Variants in ZNF423 observed in about 807,000 individuals in gnomAD.
ZNF423 encodes the protein zinc finger protein 423, also known as Ebf-associated zinc finger protein.
In ZNF423, 12 loss-of-function variants were observed where a neutral mutation model predicts 95.8. The observed-to-expected ratio is 0.13, with a 90% CI of 0.08 to 0.20. The LOEUF is 0.20. Ranked by LOEUF, ZNF423 falls within the 10% of genes least tolerant of loss-of-function variation. The probability of loss-of-function intolerance (pLI) is 1.00; values close to 1 mark genes in which losing one functional copy is unlikely to be tolerated. For synonymous variants in ZNF423, 749 were observed against 711.9 expected (o/e 1.05, Z -0.83); for missense variants, 1,316 against 1,737.1 (o/e 0.76, Z 4.31).
chr16:49,691,425 C>G (rs1186465806), intron 3 of ZNF423, among the ~76,000 whole-genome samples: 1 of 152,184 alleles, frequency 6.6e-6, no homozygotes, highest in East Asian at 1.9e-4. Context: ...CCTCGGTTTC[C>G]TCATAGGTTA....
At chr16:49,502,375 G>C (rs1485600843) in intron 7 of ZNF423, among the ~76,000 whole-genome samples, 1 of 152,184 alleles carries the variant, frequency 6.6e-6, no homozygotes, top group African/African-American at 2.4e-5. Flanking sequence ...GCTGCCTCAT[G>C]GGCATTCCCA....
intron 1 of ZNF423, among the ~76,000 whole-genome samples, chr16:49,824,733 C>A (rs1456154661): frequency 6.6e-6 from 1 of 152,208 alleles, no homozygotes; most frequent in East Asian, 1.9e-4. Context: ...CTGGGTCTCA[C>A]TCCAGAAGGA....
rs1445194160 is a variant in ZNF423, at chr16:49,815,914, A to ATATTT, written c.41-26369_41-26368insAAATA. Among the ~76,000 whole-genome samples, 18 of 29,796 alleles carry ATATTT rather than the reference A, an allele frequency of 6.0e-4. 1 individual carries two copies. Among genetic ancestry groups the ATATTT allele is most frequent in the Non-Finnish European group, 9.1e-4 (16 of 17,552 alleles). 19.5% of individuals were successfully genotyped at this position (29,796 alleles called of 152,430 possible). On this transcript the variant is annotated intron_variant, in intron 1 of 7. Transcript: ENST00000563137. The stretch of plus-strand genomic sequence containing the variant: ...TATATATATATATATATATATATAT[A>ATATTT]TTTTTTTTTTTTTTTTTTTTTTGAG...
chr16:49,857,462 C>A (rs190948160), upstream of ZNF423, among the ~76,000 whole-genome samples: 10 of 152,260 alleles, frequency 6.6e-5, no homozygotes, highest in African/African-American at 2.4e-4. The surrounding 1 kb of genome is among the most constrained non-coding windows in gnomAD (Gnocchi z 6.2). Context: ...ATGAGCCTCA[C>A]AAACTGTAAA....
At chr16:49,747,660 A>G (rs1202950539) in intron 2 of ZNF423, among the ~76,000 whole-genome samples, 3 of 152,016 alleles carry the variant, frequency 2.0e-5, no homozygotes. Flanking sequence ...TTCATTTAAA[A>G]AAAAAAAAAA....
At chr16:49,693,622 T>C (rs141205142) in intron 3 of ZNF423, among the ~76,000 whole-genome samples, 46 of 152,298 alleles carry the variant, frequency 3.0e-4, no homozygotes, top group Admixed American at 5.9e-4. Flanking sequence ...GCCACAGTGA[T>C]TGGCTTAAGG....
chr16:49,667,640 G>C (rs575067220), intron 3 of ZNF423, among the ~76,000 whole-genome samples: 1 of 152,370 alleles, frequency 6.6e-6, no homozygotes, highest in African/African-American at 2.4e-5. Flanking sequence ...CCAGCACTTT[G>C]GGAAGCTGAG....
intron 2 of ZNF423, among the ~76,000 whole-genome samples, chr16:49,771,112 A>T (rs1596991072): frequency 6.7e-6 from 1 of 148,422 alleles, no homozygotes; most frequent in South Asian, 2.2e-4. Context: ...TAAGCATAAC[A>T]CCACCGATGG....
chr16:49,551,575 T>C (rs185673794), intron 5 of ZNF423, among the ~76,000 whole-genome samples: 1 of 152,256 alleles, frequency 6.6e-6, no homozygotes, highest in Admixed American at 6.5e-5. Context: ...CTTGGCAGCA[T>C]GGGGGCAAAG....
chr16:49,498,707 C>T (rs1967262647), intron 7 of ZNF423, among the ~76,000 whole-genome samples: 1 of 152,164 alleles, frequency 6.6e-6, no homozygotes, highest in South Asian at 2.1e-4. Flanking sequence ...ACTTCTTTCC[C>T]TTTGGGAAGG....
intron 5 of ZNF423, among the ~76,000 whole-genome samples, chr16:49,606,584 G>C (rs1304753080): frequency 1.3e-5 from 2 of 152,166 alleles, no homozygotes; most frequent in African/African-American, 4.8e-5. Flanking sequence ...GTCCCAGAGG[G>C]AGAACCTGTG....
At position 49,855,522 on chromosome 16, in the gene ZNF423, C is replaced by CGCT. The variant is rs891224335; in HGVS notation, c.40+212_40+213insAGC. Among the ~76,000 whole-genome samples, 1 of 150,640 alleles carries CGCT rather than the reference C, an allele frequency of 6.6e-6. No homozygotes were observed. The highest frequency in any genetic ancestry group is 2.4e-5 in the African/African-American group (1 of 40,994). ...CGCGGCGTACCCCCTCCGCCGCCGC[C>CGCT]GCCGCCGCCGCCGCCTCCGCCTCCT... On this transcript the variant is annotated intron_variant, in intron 1 of 7. Coordinates refer to ENST00000563137, the MANE Select transcript of ZNF423 (RefSeq NM_001379286.1). The surrounding 1 kb of genome is among the most constrained non-coding windows in gnomAD (Gnocchi z 4.7).
At chr16:49,499,627 C>T (rs1000052324) in intron 7 of ZNF423, among the ~76,000 whole-genome samples, 2 of 152,268 alleles carry the variant, frequency 1.3e-5, no homozygotes, top group East Asian at 1.9e-4. Flanking sequence ...GGAGCCGAGG[C>T]GGGGAGGAGG....
intron 6 of ZNF423, among the ~76,000 whole-genome samples, chr16:49,524,641 T>C (rs1323185440): frequency 3.9e-5 from 6 of 152,014 alleles, no homozygotes; most frequent in Admixed American, 1.3e-4. Flanking sequence ...ACCCAGGAGG[T>C]GGCCCAGAGC....
At chr16:49,853,880 G>T in intron 1 of ZNF423, 1 of 985,324 alleles carries the variant, frequency 1.0e-6, no homozygotes, top group Non-Finnish European at 1.2e-6. Context: ...TGGAAGTCTA[G>T]GTAAGCAAGC....
intron 7 of ZNF423, among the ~76,000 whole-genome samples, chr16:49,507,303 ATT>A (rs10709812): frequency 6.0e-5 from 9 of 150,456 alleles, no homozygotes; most frequent in African/African-American, 1.5e-4. Flanking sequence ...ATGATCCCAC[ATT>A]TTTTTTTTGG....
chr16:49,600,875 G>A (rs957543006), intron 5 of ZNF423, among the ~76,000 whole-genome samples: 3 of 152,160 alleles, frequency 2.0e-5, no homozygotes, highest in African/African-American at 4.8e-5. Flanking sequence ...CGGCCCGGCC[G>A]GCGGCCTCCA....
rs1249633056 is a variant in ZNF423, at chr16:49,739,416, C to T, written c.101-8445G>A. ...ATGGCACAGGCCCTCTTGCAAGGCA[C>T]GAAAATGTCCATGCATACCAAAAGA... On this transcript the variant is annotated intron_variant, in intron 2 of 7. Coordinates refer to ENST00000563137, the MANE Select transcript of ZNF423 (RefSeq NM_001379286.1). Among the ~76,000 whole-genome samples the T allele has an allele frequency of 3.3e-5, 5 of 152,066 alleles. No homozygotes were observed. In the East Asian group the frequency reaches 7.8e-4, roughly 24 times the overall value.
chr16:49,792,722 G>A (rs1013814511), intron 1 of ZNF423, among the ~76,000 whole-genome samples: 1 of 152,260 alleles, frequency 6.6e-6, no homozygotes, highest in Middle Eastern at 3.4e-3. Context: ...ATATGGGCTA[G>A]AGGATTCAAA....
Sources: gnomAD v4.1 joint callset for allele counts (sites outside exome capture counted in the v4.1 genomes callset) on GRCh38, gnomAD v4.1.1 for gene constraint, Gnocchi (gnomAD v3.1) non-coding constraint, MANE v1.5 for transcripts, NCBI Gene and HGNC (gene_info 2026-07-23, HGNC 2026-07-21) for gene names.